TRAP1: variants seen among roughly 807,000 people sequenced by gnomAD.
The protein encoded by TRAP1 is heat shock protein 75 kDa, mitochondrial.
Under a neutral mutation model 89.1 loss-of-function variants are expected in TRAP1, and 102 were observed. The observed-to-expected ratio is 1.15, with a 90% CI of 0.98 to 1.35. The LOEUF is 1.35. Ranked by LOEUF, TRAP1 falls within the 40% of genes most tolerant of loss-of-function variation. TRAP1 has a pLI of 0.00. For synonymous variants in TRAP1, 508 were observed against 388.0 expected (o/e 1.31, Z -3.64); for missense variants, 1,256 against 945.3 (o/e 1.33, Z -4.31).
rs865949059 is a variant in TRAP1 at position 3,663,665 on chromosome 16, C to T, written c.1570-103G>A. ...AGGGCTGGGGGAGCCAAGCGGGCCACACTGGGGAACACCGGGGCAGTTGGG... is the reference window on the plus strand; with the variant it reads ...AGGGCTGGGGGAGCCAAGCGGGCCATACTGGGGAACACCGGGGCAGTTGGG... On this transcript the variant is annotated intron_variant, in intron 13 of 17. Coordinates refer to ENST00000246957, the MANE Select transcript of TRAP1 (RefSeq NM_016292.3). 7 of 1,455,408 alleles carry T rather than the reference C, an allele frequency of 4.8e-6. No individual in the cohort carries two copies. The Middle Eastern group carries it at 1.2e-3, about 250-fold the overall frequency. The allele number at this position is 1,455,408 out of a possible 1,614,324, so 90.2% of individuals were successfully genotyped here.
intron 2 of TRAP1, chr16:3,689,721 T>A (rs2051187375): frequency 1.3e-5 from 2 of 152,450 alleles, no homozygotes; most frequent in Non-Finnish European, 2.9e-5. Flanking sequence ...ACACTTGTGG[T>A]CCCAGTGACT....
At chr16:3,698,363 G>C (rs1479313067) in intron 1 of TRAP1, among the ~76,000 whole-genome samples, 2 of 149,906 alleles carry the variant, frequency 1.3e-5, no homozygotes, top group Non-Finnish European at 3.0e-5. Flanking sequence ...CCAGGCTGCA[G>C]TGCAGGGCGC....
Position 3,658,861 on chromosome 16 carries a change from C to T in TRAP1, c.1945G>A (p.Ala649Thr), listed in dbSNP as rs774864487. The part of the protein sequence containing the change: ...QPTLEINPRH[A>T]LIKKLNQLRA... ...AGCTGATTCAGCTTCTTGATGAGCG[C>T]GTGCCTGCAACACAGAACCCACCAG... The change falls in exon 17 of 18, where the codon GCG becomes ACG. Residue 649 changes from alanine to threonine, a missense_variant. Transcript: ENST00000246957. The T allele has an allele frequency of 5.6e-6, 9 of 1,613,948 alleles. No homozygotes were observed. Among genetic ancestry groups the T allele is most frequent in the South Asian group, 1.1e-5 (1 of 91,080 alleles).
At chr16:3,692,162 G>C (rs550551067) in intron 1 of TRAP1, among the ~76,000 whole-genome samples, 3 of 152,316 alleles carry the variant, frequency 2.0e-5, no homozygotes, top group East Asian at 3.9e-4. Context: ...ATCTAACTGG[G>C]AGCCTCTCCT....
intron 1 of TRAP1, among the ~76,000 whole-genome samples, chr16:3,713,494 C>A (rs1490215895): frequency 6.6e-6 from 1 of 152,212 alleles, no homozygotes; most frequent in Non-Finnish European, 1.5e-5. Flanking sequence ...CAGGAAGTTC[C>A]AGCAAAGGCT....
intron 1 of TRAP1, among the ~76,000 whole-genome samples, chr16:3,707,285 A>T (rs377018387): frequency 2.1e-5 from 3 of 144,574 alleles, no homozygotes; most frequent in Non-Finnish European, 4.5e-5. Context: ...TCCCGGGTTC[A>T]CACCATTCTC....
At chr16:3,706,165 G>A (rs1474552294) in intron 1 of TRAP1, among the ~76,000 whole-genome samples, 1 of 152,212 alleles carries the variant, frequency 6.6e-6, no homozygotes, top group East Asian at 1.9e-4. Flanking sequence ...TGTTGGCCAG[G>A]CTAGTCTCAA....
chr16:3,670,382 CAAAAAAAAAAA>C (rs760902038), intron 11 of TRAP1, among the ~76,000 whole-genome samples: 2,790 of 22,888 alleles, frequency 0.12, 234 homozygotes, highest in African/African-American at 0.32. Context: ...GACTCCGTCT[CAAAAAAAAAAA>C]AAAAAAAAAA....
chr16:3,684,708 T>C (rs1238909115), intron 4 of TRAP1, among the ~76,000 whole-genome samples: 2 of 152,034 alleles, frequency 1.3e-5, no homozygotes, highest in Non-Finnish European at 1.5e-5. Flanking sequence ...GAGAGTTGCT[T>C]GGACCTGGGA....
In TRAP1 at chr16:3,671,710, C is replaced by A. The variant is rs1325732984; in HGVS notation, c.1235+12G>T. Reference sequence around the variant, plus strand: ...CCCCAGCAGGGTCCTCTCCCCGCGGCCCGAGGCTCACCTGATGAGTGCGCT... The same window carrying A: ...CCCCAGCAGGGTCCTCTCCCCGCGGACCGAGGCTCACCTGATGAGTGCGCT... On this transcript the variant is annotated intron_variant, in intron 11 of 17. Transcript: ENST00000246957. 1 of 1,611,852 alleles carries A rather than the reference C, an allele frequency of 6.2e-7. No individual in the cohort carries two copies. Among genetic ancestry groups the A allele is most frequent in the Admixed American group, 1.7e-5 (1 of 60,008 alleles).
chr16:3,701,470 T>C (rs997946314), intron 1 of TRAP1, among the ~76,000 whole-genome samples: 1 of 150,650 alleles, frequency 6.6e-6, no homozygotes, highest in African/African-American at 2.4e-5. Context: ...GGAGAATCGC[T>C]TGAACCCGAG....
intron 1 of TRAP1, among the ~76,000 whole-genome samples, chr16:3,697,478 C>A (rs971690397): frequency 6.6e-6 from 1 of 151,866 alleles, no homozygotes; most frequent in African/African-American, 2.4e-5. Flanking sequence ...TCCTGGCTAA[C>A]ACGGTGAAAC....
intron 9 of TRAP1, 127 bp from the exon 10 acceptor site, chr16:3,672,947 C>A: frequency 2.9e-6 from 4 of 1,380,912 alleles, no homozygotes; most frequent in East Asian, 5.1e-5. Context: ...AGCGTCTGCT[C>A]TGAGTTGAAG....
intron 11 of TRAP1, among the ~76,000 whole-genome samples, chr16:3,667,925 ATTT>A (rs58782531): frequency 0.013 from 836 of 65,540 alleles, 9 homozygotes; most frequent in African/African-American, 0.055. Flanking sequence ...TACCCGGCTG[ATTT>A]TTTTTTTTTT....
chr16:3,680,756 A>T (rs2051064060), intron 4 of TRAP1, among the ~76,000 whole-genome samples: 1 of 152,024 alleles, frequency 6.6e-6, no homozygotes, highest in Admixed American at 6.6e-5. Context: ...CGACGGCTCC[A>T]CTCTCATGAA....
Position 3,675,333 on chromosome 16 carries a change from G to A in TRAP1, c.879C>T (p.Asn293=), listed in dbSNP as rs1240462748. Residue 293 remains asparagine, a synonymous_variant, in exon 8 of 18, where the codon AAC becomes AAT. Coordinates refer to ENST00000246957, the MANE Select transcript of TRAP1 (RefSeq NM_016292.3). ...FPLYLNGRRM[N]TLQAIWMMDP... is the part of the protein sequence containing the mutation. ...GGAACTCAGGGCTCACCTGCAAGGT[G>A]TTCATCCGCCTTCCATTCAAGTACA... 2.5e-6 allele frequency: 4 copies of A among 1,613,950 alleles called. No individual in the cohort carries two copies. The highest frequency in any genetic ancestry group is 1.3e-5 in the African/African-American group (1 of 74,926).
At chr16:3,667,126 T>C (rs2050844008) in intron 11 of TRAP1, among the ~76,000 whole-genome samples, 1 of 150,952 alleles carries the variant, frequency 6.6e-6, no homozygotes, top group South Asian at 2.1e-4. Flanking sequence ...CCAGGGAAGG[T>C]GTCTATGCAG....
chr16:3,684,663 A>G (rs777874188), intron 4 of TRAP1, among the ~76,000 whole-genome samples: 1 of 152,076 alleles, frequency 6.6e-6, no homozygotes, highest in Non-Finnish European at 1.5e-5. Flanking sequence ...CATGGCACAC[A>G]TCCGTAATCC....
At chr16:3,695,834 G>C (rs974777820) in intron 1 of TRAP1, among the ~76,000 whole-genome samples, 1 of 152,218 alleles carries the variant, frequency 6.6e-6, no homozygotes, top group Non-Finnish European at 1.5e-5. Context: ...AAGCGGAAAA[G>C]CTGATTGTGG....
Sources: allele counts gnomAD v4.1 joint callset (sites outside exome capture counted in the v4.1 genomes callset), GRCh38; gene constraint gnomAD v4.1.1; transcripts MANE v1.5; gene names NCBI Gene and HGNC (gene_info 2026-07-23, HGNC 2026-07-21).